HYAL2: variants seen among roughly 807,000 people sequenced by gnomAD.
HYAL2 encodes hyaluronidase 2.
Under a neutral mutation model 35.4 loss-of-function variants are expected in HYAL2, and 30 were observed. The observed-to-expected ratio is 0.85, with a 90% CI of 0.63 to 1.15. The LOEUF is 1.15. HYAL2 is among the 50% of genes most tolerant of loss of function. The pLI, the probability that HYAL2 is intolerant of heterozygous loss-of-function variation, is 0.00. For missense variants in HYAL2, 635 were observed against 646.5 expected (o/e 0.98, Z 0.19); for synonymous variants, 262 against 252.8 (o/e 1.04, Z -0.34).
chr3:50,318,803 G>A lies in HYAL2; in HGVS notation c.1011+153C>T, dbSNP rs1204127815. 3.4e-5 allele frequency: 25 copies of A among 732,612 alleles called. No homozygotes were observed. The highest frequency in any genetic ancestry group is 7.7e-5 in the East Asian group (3 of 38,784). 45.4% of individuals were successfully genotyped at this position (732,612 alleles called of 1,614,324 possible). ...TTTCCTCTTTCCTGAGAGCAGGGCC[G>A]GGGTGACCTCCTCCTGTTGCCACCA... is the stretch of plus-strand genomic sequence containing the variant. On this transcript the variant is annotated intron_variant, in intron 3 of 3. Coordinates refer to ENST00000357750, the MANE Select transcript of HYAL2 (RefSeq NM_003773.5). This position sits in a 1 kb window ranked among gnomAD's most constrained non-coding sequence, Gnocchi z 4.5.
intron 1 of HYAL2, chr3:50,321,913 C>G (rs1575533060): frequency 6.6e-6 from 1 of 152,212 alleles, no homozygotes; most frequent in East Asian, 1.9e-4. Flanking sequence ...AGATCTGGCT[C>G]TGCACCCCCT....
At chr3:50,319,163 T>G in intron 2 of HYAL2, 118 bp from the exon 3 acceptor site, 1 of 655,828 alleles carries the variant, frequency 1.5e-6, no homozygotes, top group Non-Finnish European at 2.5e-6. Flanking sequence ...CAACCCCCAT[T>G]TCACGTCCAG....
At position 50,318,489 on chromosome 3, in the gene HYAL2, G is replaced by T; in HGVS notation, c.1062C>A (p.Tyr354Ter). The T allele has an allele frequency of 6.2e-7, 1 of 1,611,590 alleles. No individual in the cohort carries two copies. The highest frequency in any genetic ancestry group is 8.5e-7 in the Non-Finnish European group (1 of 1,178,774). The change falls in exon 4 of 4, where the codon TAC becomes TAA. Residue 354 changes from tyrosine (Y) to a stop codon, truncating the protein, a stop_gained. Transcript: ENST00000357750. LOFTEE classifies it high-confidence loss of function. The surrounding 1 kb of genome is among the most constrained non-coding windows in gnomAD (Gnocchi z 4.5). The stretch of plus-strand genomic sequence containing the variant: ...GGGTGGCCCAGGACACATTGACCAC[G>T]TAGGGGACCAGCAGCCGTGTCAGGT... Reference protein sequence around the residue: ...KDYLTRLLVPYVVNVSWATQY... With the variant: ...KDYLTRLLVP
Position 50,319,825 on chromosome 3 carries a change from C to T in HYAL2, c.665G>A (p.Ser222Asn). The T allele has an allele frequency of 6.2e-7, 1 of 1,613,612 alleles. No homozygotes were observed. The highest frequency in any genetic ancestry group is 8.5e-7 in the Non-Finnish European group (1 of 1,180,018). Reference protein sequence around the residue: ...YNHDYVQNWESYTGRCPDVEV... With the variant: ...YNHDYVQNWENYTGRCPDVEV... ...AACATCAGGGCAGCGGCCTGTGTAG[C>T]TCTCCCAGTTCTGCACATAATCATG... is the stretch of plus-strand genomic sequence containing the variant. Residue 222 changes from serine to asparagine, a missense_variant, in exon 2 of 4, where the codon AGC (serine) becomes AAC (asparagine). Coordinates refer to ENST00000357750, the MANE Select transcript of HYAL2 (RefSeq NM_003773.5).
chr3:50,318,053 C>T lies in HYAL2; in HGVS notation c.*76G>A, dbSNP rs1702594734. 2 of 1,470,064 alleles carry T rather than the reference C, an allele frequency of 1.4e-6. No individual in the cohort carries two copies. The highest frequency in any genetic ancestry group is 1.8e-6 in the Non-Finnish European group (2 of 1,094,642). 91.1% of individuals were successfully genotyped at this position (1,470,064 alleles called of 1,614,324 possible). A position where few individuals can be genotyped will look rare whatever the true frequency, so the allele number is the denominator to read the frequency against. On this transcript the variant is annotated 3_prime_UTR_variant, in exon 4 of 4. Transcript: ENST00000357750. The surrounding 1 kb of genome is among the most constrained non-coding windows in gnomAD (Gnocchi z 4.5). ...CCACTCCAGACTCCAGTTTGTCCAC[C>T]CCCTGCAGGGTCCTACATGCCTAAG...
chr3:50,318,675 G>C lies in HYAL2; in HGVS notation c.1012-136C>G. 3.4e-6 allele frequency: 3 copies of C among 873,522 alleles called. No homozygotes were observed. The highest frequency in any genetic ancestry group is 3.5e-5 in the South Asian group (2 of 57,936). The allele number at this position is 873,522 out of a possible 1,614,324, so 54.1% of individuals were successfully genotyped here. On this transcript the variant is annotated intron_variant, in intron 3 of 3. Coordinates refer to ENST00000357750, the MANE Select transcript of HYAL2 (RefSeq NM_003773.5). The surrounding 1 kb of genome is among the most constrained non-coding windows in gnomAD (Gnocchi z 4.5). ...ATTCATACATTCAATCTGCACCTGA[G>C]CCACACAGTCCCTGCTCCTGCTGAG...
Position 50,318,671 on chromosome 3 carries a change from C to T in HYAL2, c.1012-132G>A. 1.1e-6 allele frequency: 1 copy of T among 888,598 alleles called. No individual in the cohort carries two copies. Among genetic ancestry groups the T allele is most frequent in the Admixed American group, 2.7e-5 (1 of 36,870 alleles). 55.0% of individuals were successfully genotyped at this position (888,598 alleles called of 1,614,324 possible). A position where few individuals can be genotyped will look rare whatever the true frequency, so the allele number is the denominator to read the frequency against. ...ACACATTCATACATTCAATCTGCAC[C>T]TGAGCCACACAGTCCCTGCTCCTGC... On this transcript the variant is annotated intron_variant, in intron 3 of 3. Coordinates refer to ENST00000357750, the MANE Select transcript of HYAL2 (RefSeq NM_003773.5). This position sits in a 1 kb window ranked among gnomAD's most constrained non-coding sequence, Gnocchi z 4.5.
chr3:50,318,901 C>T lies in HYAL2; in HGVS notation c.1011+55G>A, dbSNP rs782603098. 6.7e-6 allele frequency: 10 copies of T among 1,494,896 alleles called. No homozygotes were observed. The African/African-American group carries it at 1.1e-4, about 17-fold the overall frequency. The allele number at this position is 1,494,896 out of a possible 1,614,324, so 92.6% of individuals were successfully genotyped here. ...CCACCTGAGGTTGGTAGCCAAAGGC[C>T]CTAACTCTCTGTCTGTCCCATAGAC... is the stretch of plus-strand genomic sequence containing the variant. On this transcript the variant is annotated intron_variant, in intron 3 of 3. Transcript: ENST00000357750. This position sits in a 1 kb window ranked among gnomAD's most constrained non-coding sequence, Gnocchi z 4.5.
At position 50,320,006 on chromosome 3, in the gene HYAL2, G is replaced by T; in HGVS notation, c.484C>A (p.Arg162Ser). The T allele has an allele frequency of 6.2e-7, 1 of 1,613,320 alleles. No homozygotes were observed. Among genetic ancestry groups the T allele is most frequent in the Non-Finnish European group, 8.5e-7 (1 of 1,180,042 alleles). ...RRLSRQLVAS[R>S]HPDWPPDRIV... is the part of the protein sequence containing the mutation. ...CGGTCTGGAGGCCAGTCAGGGTGACGACTGGCCACTAGCTGGCGTGATAAC... is the reference window on the plus strand; with the variant it reads ...CGGTCTGGAGGCCAGTCAGGGTGACTACTGGCCACTAGCTGGCGTGATAAC... Residue 162 changes from arginine (R) to serine (S), a missense_variant, in exon 2 of 4, where the codon CGT (arginine) becomes AGT (serine). Transcript: ENST00000357750. This position sits in a 1 kb window ranked among gnomAD's most constrained non-coding sequence, Gnocchi z 4.8.
Position 50,320,546 on chromosome 3 carries a change from G to T in HYAL2, c.-46-11C>A. ...GCACCAGCTCAGGAACTGGAAGAAGGGTTGGGGAGAACAAGTCAGTCTAGG... is the reference window on the plus strand; with the variant it reads ...GCACCAGCTCAGGAACTGGAAGAAGTGTTGGGGAGAACAAGTCAGTCTAGG... On this transcript the variant is annotated splice_polypyrimidine_tract_variant and intron_variant, in intron 1 of 3. Coordinates refer to ENST00000357750, the MANE Select transcript of HYAL2 (RefSeq NM_003773.5). This position sits in a 1 kb window ranked among gnomAD's most constrained non-coding sequence, Gnocchi z 4.8. 6 of 1,431,510 alleles carry T rather than the reference G, an allele frequency of 4.2e-6. No individual in the cohort carries two copies. Among genetic ancestry groups the T allele is most frequent in the East Asian group, 2.4e-5 (1 of 41,308 alleles). The allele number at this position is 1,431,510 out of a possible 1,614,324, so 88.7% of individuals were successfully genotyped here.
Position 50,318,962 on chromosome 3 carries a change from T to C in HYAL2, c.1005A>G (p.Thr335=). The part of the protein sequence containing the change: ...VILWGDAGYT[T]STETCQYLKD... ...CAGGCTGGGTCTCGCTTACCGTGCT[T>C]GTGGTGTACCCCGCGTCACCCCAGA... The change falls in exon 3 of 4, where the codon ACA becomes ACG. Residue 335 remains threonine, a synonymous_variant. Coordinates refer to ENST00000357750, the MANE Select transcript of HYAL2 (RefSeq NM_003773.5). The surrounding 1 kb of genome is among the most constrained non-coding windows in gnomAD (Gnocchi z 4.5). 6.2e-7 allele frequency: 1 copy of C among 1,613,532 alleles called. No homozygotes were observed. Among genetic ancestry groups the C allele is most frequent in the East Asian group, 2.2e-5 (1 of 44,872 alleles).
rs200605096 is a variant in HYAL2, at chr3:50,319,582, G to A, written c.908C>T (p.Thr303Met). ...GGAGACACATACCTCACTAAGCCCC[G>A]TGAGCCTGCGGCTGTAGGTGGGTCG... ...FTRPTYSRRLTGLSEMDLIST... is the reference protein window; with the variant it reads ...FTRPTYSRRLMGLSEMDLIST... Residue 303 changes from threonine to methionine, a missense_variant, in exon 2 of 4, where the codon ACG (threonine) becomes ATG (methionine). Thr to Met is a moderately conservative substitution (Grantham distance 81). Coordinates refer to ENST00000357750, the MANE Select transcript of HYAL2 (RefSeq NM_003773.5). 23 of 1,611,000 alleles carry A rather than the reference G, an allele frequency of 1.4e-5. No homozygotes were observed. The African/African-American group carries it at 2.5e-4, about 18-fold the overall frequency.
rs1438828068 is a variant in HYAL2 at position 50,318,652 on chromosome 3, T to C, written c.1012-113A>G. On this transcript the variant is annotated intron_variant, in intron 3 of 3. Transcript: ENST00000357750. This position sits in a 1 kb window ranked among gnomAD's most constrained non-coding sequence, Gnocchi z 4.5. Reference sequence around the variant, plus strand: ...TATACCTTATTTTAACTGCACACATTCATACATTCAATCTGCACCTGAGCC... The same window carrying C: ...TATACCTTATTTTAACTGCACACATCCATACATTCAATCTGCACCTGAGCC... 10 of 1,012,846 alleles carry C rather than the reference T, an allele frequency of 9.9e-6. No homozygotes were observed. The highest frequency in any genetic ancestry group is 1.4e-5 in the Non-Finnish European group (10 of 691,188). 62.7% of individuals were successfully genotyped at this position (1,012,846 alleles called of 1,614,324 possible).
At chr3:50,319,163 T>C in intron 2 of HYAL2, 118 bp from the exon 3 acceptor site, 1 of 655,828 alleles carries the variant, frequency 1.5e-6, no homozygotes, top group Non-Finnish European at 2.5e-6. Flanking sequence ...CAACCCCCAT[T>C]TCACGTCCAG....
Position 50,320,313 on chromosome 3 carries a change from G to A in HYAL2, c.177C>T (p.Ala59=), listed in dbSNP as rs781960766. The change falls in exon 2 of 4, where the codon GCC becomes GCT. Residue 59 remains alanine (A), a synonymous_variant. Coordinates refer to ENST00000357750, the MANE Select transcript of HYAL2 (RefSeq NM_003773.5). The surrounding 1 kb of genome is among the most constrained non-coding windows in gnomAD (Gnocchi z 4.8). The part of the protein sequence containing the change: ...PRLKVPLDLN[A]FDVQASPNEG... ...CATTAGGTGAGGCCTGCACATCAAAGGCATTCAGGTCCAGTGGCACCTTGA... is the reference window on the plus strand; with the variant it reads ...CATTAGGTGAGGCCTGCACATCAAAAGCATTCAGGTCCAGTGGCACCTTGA... The A allele has an allele frequency of 6.2e-6, 10 of 1,614,022 alleles. No homozygotes were observed. The African/African-American group carries it at 1.3e-4, about 21-fold the overall frequency.
At position 50,320,120 on chromosome 3, in the gene HYAL2, G is replaced by A. The variant is rs1575531072; in HGVS notation, c.370C>T (p.Gln124Ter). The A allele has an allele frequency of 6.2e-7, 1 of 1,613,690 alleles. No homozygotes were observed. Among genetic ancestry groups the A allele is most frequent in the Admixed American group, 1.7e-5 (1 of 60,014 alleles). ...ATGACCGCCAGCCCCGCAGACTCCTGTGTCCGAATGTAGTGCTCCACACGT... is the reference window on the plus strand; with the variant it reads ...ATGACCGCCAGCCCCGCAGACTCCTATGTCCGAATGTAGTGCTCCACACGT... ...QKRVEHYIRT[Q>*]ESAGLAVIDW... The change falls in exon 2 of 4, where the codon CAG becomes TAG. Residue 124 changes from glutamine to a stop codon, truncating the protein, a stop_gained. Coordinates refer to ENST00000357750, the MANE Select transcript of HYAL2 (RefSeq NM_003773.5). LOFTEE classifies it high-confidence loss of function. The surrounding 1 kb of genome is among the most constrained non-coding windows in gnomAD (Gnocchi z 4.8).
chr3:50,318,082 G>C lies in HYAL2; in HGVS notation c.*47C>G. On this transcript the variant is annotated 3_prime_UTR_variant, in exon 4 of 4. Coordinates refer to ENST00000357750, the MANE Select transcript of HYAL2 (RefSeq NM_003773.5). This position sits in a 1 kb window ranked among gnomAD's most constrained non-coding sequence, Gnocchi z 4.5. ...TGCAGGGTCCTACATGCCTAAGAGA[G>C]CCCTTGTGGTAGAGGCCAGCTTGCT... The C allele has an allele frequency of 2.0e-6, 3 of 1,519,492 alleles. No individual in the cohort carries two copies. In the Admixed American group the frequency reaches 6.5e-5, roughly 33 times the overall value. 94.1% of individuals were successfully genotyped at this position (1,519,492 alleles called of 1,614,324 possible).
rs1340130014 is a variant in HYAL2 at position 50,320,741 on chromosome 3, G to A, written c.-46-206C>T. Reference sequence around the variant, plus strand: ...AGCACAGGGCTCTTTTCTGGAGCAGGTAGCCTGTGGCTCGGCACAAATCTC... The same window carrying A: ...AGCACAGGGCTCTTTTCTGGAGCAGATAGCCTGTGGCTCGGCACAAATCTC... On this transcript the variant is annotated intron_variant, in intron 1 of 3. Coordinates refer to ENST00000357750, the MANE Select transcript of HYAL2 (RefSeq NM_003773.5). This position sits in a 1 kb window ranked among gnomAD's most constrained non-coding sequence, Gnocchi z 4.8. 2 of 498,040 alleles carry A rather than the reference G, an allele frequency of 4.0e-6. No homozygotes were observed. Among genetic ancestry groups the A allele is most frequent in the Admixed American group, 7.5e-5 (2 of 26,742 alleles). 30.9% of individuals were successfully genotyped at this position (498,040 alleles called of 1,614,324 possible). A position where few individuals can be genotyped will look rare whatever the true frequency, so the allele number is the denominator to read the frequency against.
rs1702623761 is a variant in HYAL2, at chr3:50,319,004, GC to G, written c.962del (p.Gly321AlafsTer27). The G allele has an allele frequency of 6.2e-7, 1 of 1,612,196 alleles. No individual in the cohort carries two copies. Among genetic ancestry groups the G allele is most frequent in the Non-Finnish European group, 8.5e-7 (1 of 1,178,892 alleles). ...CACCCCAGAGGATGACACCAGCTGC[GC>G]CCAGGGCCGCACTCTCGCCAATGGT... ...ISTIGESAAL[G>X]AAGVILWGDA... is the part of the protein sequence containing the mutation. On this transcript the variant is annotated frameshift_variant, in exon 3 of 4. Transcript: ENST00000357750. LOFTEE classifies it high-confidence loss of function.
Sources: allele counts gnomAD v4.1 joint callset, GRCh38; gene constraint gnomAD v4.1.1; non-coding constraint Gnocchi (gnomAD v3.1); transcripts MANE v1.5; gene names NCBI Gene and HGNC (gene_info 2026-07-23, HGNC 2026-07-21).